MED13: variants seen among roughly 807,000 people sequenced by gnomAD.
The protein encoded by MED13 is mediator of RNA polymerase II transcription subunit 13.
MED13 carries 23 observed loss-of-function variants against 225.2 expected under a neutral mutation model. The observed-to-expected ratio is 0.10, with a 90% CI of 0.07 to 0.14. MED13 has a LOEUF of 0.14. Among genes scored for constraint, MED13 ranks in the 10% least tolerant of loss-of-function variants. The probability of loss-of-function intolerance (pLI) is 1.00; values close to 1 mark genes in which losing one functional copy is unlikely to be tolerated. For synonymous variants in MED13, 942 were observed against 889.2 expected, an observed-to-expected ratio of 1.06 and a Z score of -1.06; for missense variants, 2,197 against 2,594.5, an observed-to-expected ratio of 0.85 and a Z score of 3.33.
rs112843495 is a variant in MED13, at chr17:61,989,176, G to A, written c.2264-2048C>T. On this transcript the variant is annotated intron_variant, in intron 11 of 29. Coordinates refer to ENST00000397786, the MANE Select transcript of MED13 (RefSeq NM_005121.3). Reference sequence around the variant, plus strand: ...CAGGTGTGTGCCACCACACCCGGCTGATTTTTTGTATTATTAGTAGAGACG... The same window carrying A: ...CAGGTGTGTGCCACCACACCCGGCTAATTTTTTGTATTATTAGTAGAGACG... Among the ~76,000 whole-genome samples the A allele has an allele frequency of 6.4e-3, 965 of 151,722 alleles. 10 individuals carry two copies. Among genetic ancestry groups the A allele is most frequent in the African/African-American group, 0.022 (912 of 41,394 alleles).
chr17:62,019,675 C>T (rs1010109210), intron 8 of MED13, among the ~76,000 whole-genome samples: 1 of 152,070 alleles, frequency 6.6e-6, no homozygotes, highest in Non-Finnish European at 1.5e-5. Flanking sequence ...ATTAAATCAG[C>T]CCTTTTCTTC....
chr17:62,055,374 A>G (rs1176807174), intron 2 of MED13, among the ~76,000 whole-genome samples: 2 of 151,804 alleles, frequency 1.3e-5, no homozygotes, highest in South Asian at 4.2e-4. Context: ...TGGGCGACAT[A>G]GCGAGACTCT....
chr17:62,052,505 G>C (rs756341330), intron 3 of MED13, 32 bp downstream of exon 3: 4 of 1,475,646 alleles, frequency 2.7e-6, no homozygotes, highest in Non-Finnish European at 2.7e-6. Flanking sequence ...CAAATCTAAA[G>C]AAATATCACG....
chr17:61,966,781 ATC>A (rs2080062859), intron 18 of MED13, 130 bp from the exon 19 acceptor site: 12 of 560,098 alleles, frequency 2.1e-5, no homozygotes, highest in Non-Finnish European at 3.3e-5. Context: ...TGATAAAAAT[ATC>A]AAGGGTGTTT....
In MED13 at chr17:61,982,808, G is replaced by A; in HGVS notation, c.3195C>T (p.Ile1065=). ...TTACATAAAGACTGTGTGCTTCAGG[G>A]ATGGAAGGGACAGTTGCAGGTTCAA... ...NSVEPATVPS[I]PEAHSLYVNL... The change falls in exon 16 of 30, where the codon ATC becomes ATT. Residue 1065 remains isoleucine (I), a synonymous_variant. Transcript: ENST00000397786. 1.9e-6 allele frequency: 3 copies of A among 1,614,214 alleles called. No homozygotes were observed. Among genetic ancestry groups the A allele is most frequent in the Non-Finnish European group, 2.5e-6 (3 of 1,180,042 alleles).
At chr17:62,049,715 A>G (rs2080937987) in intron 3 of MED13, among the ~76,000 whole-genome samples, 1 of 151,122 alleles carries the variant, frequency 6.6e-6, no homozygotes, top group Non-Finnish European at 1.5e-5. Flanking sequence ...GCGGATCACA[A>G]GGTCAGGAGA....
chr17:62,045,308 G>A (rs1028767432), intron 3 of MED13, among the ~76,000 whole-genome samples: 10 of 152,038 alleles, frequency 6.6e-5, no homozygotes, highest in African/African-American at 1.2e-4. Flanking sequence ...CGCACACTCA[G>A]CTAAATGGCT....
In MED13 at chr17:61,952,924, T is replaced by G. The variant is rs750310490; in HGVS notation, c.6117+41A>C. 1.1e-5 allele frequency: 18 copies of G among 1,594,112 alleles called. No homozygotes were observed. In the South Asian group the frequency reaches 1.9e-4, roughly 17 times the overall value. ...TGCTGGGATTTTAGGCGTAAGCCAC[T>G]GCGCCCGGCCGAGAAAAACTAAAAC... On this transcript the variant is annotated intron_variant, in intron 27 of 29. Coordinates refer to ENST00000397786, the MANE Select transcript of MED13 (RefSeq NM_005121.3).
chr17:61,985,712 T>A (rs2080241868), intron 12 of MED13, among the ~76,000 whole-genome samples: 1 of 152,162 alleles, frequency 6.6e-6, no homozygotes, highest in African/African-American at 2.4e-5. Flanking sequence ...AAGAAGGGGT[T>A]GTAATTAACA....
rs1414157533 is a variant in MED13, at chr17:62,048,424, G to C, written c.470+4113C>G. 4.4e-5 allele frequency among the ~76,000 whole-genome samples: 6 copies of C among 137,072 alleles called. 1 individual carries two copies. The South Asian group carries it at 9.4e-4, about 21-fold the overall frequency. 89.9% of individuals were successfully genotyped at this position (137,072 alleles called of 152,430 possible). On this transcript the variant is annotated intron_variant, in intron 3 of 29. Coordinates refer to ENST00000397786, the MANE Select transcript of MED13 (RefSeq NM_005121.3). ...AAAAAAAAAAAAAAAAAAAAAAAAGGAAAGAAAAAGAAAGCAGAAGGAATG... is the reference window on the plus strand; with the variant it reads ...AAAAAAAAAAAAAAAAAAAAAAAAGCAAAGAAAAAGAAAGCAGAAGGAATG...
At chr17:62,020,148 T>C (rs1241635518) in intron 8 of MED13, among the ~76,000 whole-genome samples, 1 of 152,040 alleles carries the variant, frequency 6.6e-6, no homozygotes, top group East Asian at 1.9e-4. Context: ...TTTTAGATTA[T>C]TTTTTCCTAT....
At chr17:61,984,605 A>C in intron 14 of MED13, 46 bp downstream of exon 14, 1 of 1,489,696 alleles carries the variant, frequency 6.7e-7, no homozygotes. Flanking sequence ...TAATTCTATA[A>C]GAAAATATAG....
Position 62,010,761 on chromosome 17 carries a change from A to G in MED13, c.1756T>C (p.Phe586Leu). 1 of 1,614,128 alleles carries G rather than the reference A, an allele frequency of 6.2e-7. No individual in the cohort carries two copies. Among genetic ancestry groups the G allele is most frequent in the Non-Finnish European group, 8.5e-7 (1 of 1,179,986 alleles). ...ACAGCTTCCTGATATTGAGGTGGGA[A>G]AGACTGGGACAAACTGTCTATCCTA... Reference protein sequence around the residue: ...EDRIDSLSQSFPPQYQEAVEP... With the variant: ...EDRIDSLSQSLPPQYQEAVEP... Residue 586 changes from phenylalanine to leucine, a missense_variant, in exon 9 of 30, where the codon TTC (phenylalanine) becomes CTC (leucine). Physicochemically the swap from Phe to Leu is conservative, Grantham distance 22 (BLOSUM62 0). This residue lies in a region of MED13 where 884 missense variants were observed against 918.5 expected (regional missense o/e 0.96). Coordinates refer to ENST00000397786, the MANE Select transcript of MED13 (RefSeq NM_005121.3).
rs755254643 is a variant in MED13, at chr17:61,950,862, C to A, written c.6254G>T (p.Cys2085Phe). Residue 2085 changes from cysteine to phenylalanine, a missense_variant, in exon 28 of 30, where the codon TGT becomes TTT. Physicochemically the swap from Cys to Phe is radical, Grantham distance 205. Around this residue, in one of 12 missense-constraint regions of MED13, gnomAD observed 216 missense variants for 388.9 expected, o/e 0.56. Transcript: ENST00000397786. Reference protein sequence around the residue: ...GPLPDWFWSACPQAQYQCPLF... With the variant: ...GPLPDWFWSAFPQAQYQCPLF... Reference sequence around the variant, plus strand: ...GGGACACTGATATTGTGCTTGAGGACATGCTGACCAGAACCAGTCAGGTAA... The same window carrying A: ...GGGACACTGATATTGTGCTTGAGGAAATGCTGACCAGAACCAGTCAGGTAA... The A allele has an allele frequency of 6.2e-7, 1 of 1,613,594 alleles. No homozygotes were observed.
intron 17 of MED13, among the ~76,000 whole-genome samples, chr17:61,969,600 A>T (rs1388670827): frequency 1.3e-5 from 2 of 152,022 alleles, no homozygotes; most frequent in Admixed American, 6.6e-5. Flanking sequence ...TCTTTCTTTT[A>T]GTTTTTTTTT....
chr17:61,989,995 A>T (rs1212313175), intron 11 of MED13, among the ~76,000 whole-genome samples: 1 of 152,188 alleles, frequency 6.6e-6, no homozygotes, highest in Non-Finnish European at 1.5e-5. Context: ...TACCTAGACC[A>T]TTTGTTCATT....
At chr17:62,026,478 T>TA (rs377190736) in intron 8 of MED13, among the ~76,000 whole-genome samples, 1,905 of 122,616 alleles carry the variant, frequency 0.016, 29 homozygotes, top group African/African-American at 0.047. Context: ...TATTTATCAT[T>TA]AAAAAAAAAA....
intron 26 of MED13, among the ~76,000 whole-genome samples, chr17:61,954,880 T>TTA (rs1469737349): frequency 6.6e-6 from 1 of 152,226 alleles, no homozygotes; most frequent in Non-Finnish European, 1.5e-5. Flanking sequence ...CTGTTGCCAC[T>TTA]TTAATAAGTT....
intron 9 of MED13, among the ~76,000 whole-genome samples, chr17:62,002,769 G>C (rs1317252747): frequency 6.6e-6 from 1 of 152,132 alleles, no homozygotes; most frequent in Non-Finnish European, 1.5e-5. Flanking sequence ...CTCTAGTTTG[G>C]AGTGACTGAA....
Sources: gnomAD v4.1 joint callset for allele counts (sites outside exome capture counted in the v4.1 genomes callset) on GRCh38, gnomAD v4.1.1 for gene constraint, gnomAD v4.1.1 regional missense constraint, MANE v1.5 for transcripts, NCBI Gene and HGNC (gene_info 2026-07-23, HGNC 2026-07-21) for gene names.